Variants in RNF180 observed in about 807,000 individuals in gnomAD.
The protein encoded by RNF180 is ring finger protein 180.
Under a neutral mutation model 59.2 loss-of-function variants are expected in RNF180, and 38 were observed. The ratio of observed to expected loss-of-function variants is 0.64; its 90% CI spans 0.50 to 0.84. The LOEUF is 0.84. Ranked by LOEUF, RNF180 falls within the 40% of genes least tolerant of loss-of-function variation. The probability of loss-of-function intolerance (pLI) is 0.00; values close to 1 mark genes in which losing one functional copy is unlikely to be tolerated. For missense variants in RNF180, 705 were observed against 700.9 expected, an observed-to-expected ratio of 1.01 and a Z score of -0.07; for synonymous variants, 262 against 240.3, an observed-to-expected ratio of 1.09 and a Z score of -0.84.
intron 2 of RNF180, among the ~76,000 whole-genome samples, chr5:64,204,969 G>T (rs942288692): frequency 1.3e-5 from 2 of 152,116 alleles, no homozygotes; most frequent in African/African-American, 4.8e-5. Flanking sequence ...TAAGGAAACT[G>T]GGGAAACAAC....
chr5:64,219,638 C>T (rs1272382439), intron 5 of RNF180, among the ~76,000 whole-genome samples: 3 of 152,118 alleles, frequency 2.0e-5, no homozygotes, highest in African/African-American at 4.8e-5. Flanking sequence ...CCTCAGCCTC[C>T]TGAGAGCTGG....
intron 5 of RNF180, among the ~76,000 whole-genome samples, chr5:64,309,045 C>T (rs928196515): frequency 6.6e-6 from 1 of 151,616 alleles, no homozygotes; most frequent in East Asian, 1.9e-4. Context: ...ATCCAGATGC[C>T]AATCTCCACG....
At chr5:64,347,642 C>T (rs1745607176) in intron 7 of RNF180, among the ~76,000 whole-genome samples, 2 of 152,036 alleles carry the variant, frequency 1.3e-5, no homozygotes, top group South Asian at 2.1e-4. Context: ...GAGATATATA[C>T]TCATAAATTT....
intron 7 of RNF180, among the ~76,000 whole-genome samples, chr5:64,367,645 C>T (rs1479394419): frequency 6.6e-6 from 1 of 151,584 alleles, no homozygotes; most frequent in Non-Finnish European, 1.5e-5. Flanking sequence ...AATGAGCATA[C>T]TAATACCCAG....
intron 5 of RNF180, among the ~76,000 whole-genome samples, chr5:64,227,664 A>G (rs1054425273): frequency 6.6e-6 from 1 of 152,244 alleles, no homozygotes; most frequent in Non-Finnish European, 1.5e-5. Context: ...GTTCTTCTGG[A>G]GGTCAGTTTT....
intron 5 of RNF180, among the ~76,000 whole-genome samples, chr5:64,312,326 G>A (rs1032672699): frequency 7.2e-5 from 11 of 152,154 alleles, no homozygotes; most frequent in African/African-American, 1.2e-4. Flanking sequence ...GAGTTCCTCC[G>A]TTTCATGGTT....
intron 5 of RNF180, among the ~76,000 whole-genome samples, chr5:64,302,834 A>G (rs1372782130): frequency 6.6e-6 from 1 of 151,590 alleles, no homozygotes; most frequent in Non-Finnish European, 1.5e-5. Flanking sequence ...GTTGAGTGCC[A>G]CTTTTAATTT....
chr5:64,330,364 T>C lies in RNF180; in HGVS notation c.1537T>C (p.Trp513Arg). The change falls in exon 7 of 8, where the codon TGG (tryptophan) becomes CGG (arginine). Residue 513 changes from tryptophan (W) to arginine (R), a missense_variant. Coordinates refer to ENST00000389100, the MANE Select transcript of RNF180 (RefSeq NM_001113561.2). ...QSFQKSNSAK[W>R]PLPSCRKAFH... ...CTTTCAGAAATCCAACTCTGCAAAA[T>C]GGCCCCTACCAAGCTGCAGAAAAGC... 6.5e-7 allele frequency: 1 copy of C among 1,546,004 alleles called. No individual in the cohort carries two copies. The highest frequency in any genetic ancestry group is 8.7e-7 in the Non-Finnish European group (1 of 1,145,602).
intron 1 of RNF180, among the ~76,000 whole-genome samples, chr5:64,197,830 A>G (rs1327757799): frequency 6.6e-6 from 1 of 152,196 alleles, no homozygotes; most frequent in Non-Finnish European, 1.5e-5. Context: ...CAGTATTGTA[A>G]GTGATAAATT....
intron 5 of RNF180, among the ~76,000 whole-genome samples, chr5:64,254,860 G>A (rs181720431): frequency 6.6e-6 from 1 of 152,204 alleles, no homozygotes; most frequent in African/African-American, 2.4e-5. Context: ...TTATGAGGGT[G>A]CTTAGAAAGA....
chr5:64,249,710 A>G (rs1212927759), intron 5 of RNF180, among the ~76,000 whole-genome samples: 1 of 152,174 alleles, frequency 6.6e-6, no homozygotes, highest in African/African-American at 2.4e-5. Context: ...TAATTCAAAA[A>G]TTGTAAAAAG....
At chr5:64,239,873 AATT>A (rs1742693885) in intron 5 of RNF180, among the ~76,000 whole-genome samples, 1 of 152,144 alleles carries the variant, frequency 6.6e-6, no homozygotes, top group African/African-American at 2.4e-5. Flanking sequence ...TTGGCATTAC[AATT>A]GTTTGCTAAA....
intron 5 of RNF180, among the ~76,000 whole-genome samples, chr5:64,296,013 G>A (rs1394659579): frequency 6.6e-6 from 1 of 152,102 alleles, no homozygotes; most frequent in Non-Finnish European, 1.5e-5. Flanking sequence ...GCCAGTAGCA[G>A]AAATTAAGAG....
intron 5 of RNF180, among the ~76,000 whole-genome samples, chr5:64,241,711 G>T (rs894623538): frequency 5.9e-5 from 9 of 152,116 alleles, no homozygotes; most frequent in African/African-American, 2.2e-4. Context: ...TGTAGTACTT[G>T]GTTGTAGCAC....
intron 5 of RNF180, among the ~76,000 whole-genome samples, chr5:64,240,113 T>C (rs1032554242): frequency 2.0e-5 from 3 of 152,204 alleles, no homozygotes; most frequent in Non-Finnish European, 4.4e-5. Flanking sequence ...CCCATGTCCT[T>C]CTTCTGCACA....
chr5:64,173,717 C>CTTTTTTTTTTTTTTTTTTTTT (rs113698456), intron 1 of RNF180, among the ~76,000 whole-genome samples: 2 of 140,066 alleles, frequency 1.4e-5, no homozygotes, highest in Non-Finnish European at 1.6e-5. Context: ...ATAGCATCAA[C>CTTTTTTTTTTTTTTTTTTTTT]TTTTTTTTTT....
In RNF180 at chr5:64,292,161, C is replaced by T. The variant is rs144082688; in HGVS notation, c.1228-33025C>T. ...CAGCCATCTCTGCCTCAGCCCAGTT[C>T]GTGCCCTTGCTGGTAAGGTGCTGCG... is the stretch of plus-strand genomic sequence containing the variant. On this transcript the variant is annotated intron_variant, in intron 5 of 7. Transcript: ENST00000389100. Among the ~76,000 whole-genome samples, 684 of 152,202 alleles carry T rather than the reference C, an allele frequency of 4.5e-3. 2 individuals carry two copies. The highest frequency in any genetic ancestry group is 6.9e-3 in the Non-Finnish European group (467 of 68,008).
At chr5:64,351,470 C>T (rs1184657968) in intron 7 of RNF180, among the ~76,000 whole-genome samples, 1 of 152,090 alleles carries the variant, frequency 6.6e-6, no homozygotes, top group East Asian at 1.9e-4. Context: ...GAGGGCATCC[C>T]TGTCTTGTGC....
intron 7 of RNF180, among the ~76,000 whole-genome samples, chr5:64,336,701 C>A (rs990410803): frequency 1.3e-5 from 2 of 152,132 alleles, no homozygotes; most frequent in Admixed American, 1.3e-4. Flanking sequence ...TAAATATTAG[C>A]CTTTCAGATG....
Sources: gnomAD v4.1 joint callset for allele counts (sites outside exome capture counted in the v4.1 genomes callset) on GRCh38, gnomAD v4.1.1 for gene constraint, MANE v1.5 for transcripts, NCBI Gene and HGNC (gene_info 2026-07-23, HGNC 2026-07-21) for gene names.